Variants in NIN observed in about 807,000 individuals in gnomAD.
NIN encodes ninein.
NIN carries 137 observed loss-of-function variants against 257.6 expected under a neutral mutation model. That is an observed-to-expected ratio of 0.53 (90% confidence interval 0.46 to 0.61). The LOEUF (loss-of-function observed/expected upper bound fraction) is 0.61. Among genes scored for constraint, NIN ranks in the 20% least tolerant of loss-of-function variants. The probability of loss-of-function intolerance (pLI) is 0.00; values close to 1 mark genes in which losing one functional copy is unlikely to be tolerated. For synonymous variants in NIN, 918 were observed against 919.8 expected (o/e 1.00, Z 0.04); for missense variants, 2,439 against 2,501.2 (o/e 0.98, Z 0.53).
rs142742443 is a variant in NIN at position 50,830,035 on chromosome 14, A to G, written c.-22+429T>C. Among the ~76,000 whole-genome samples the G allele has an allele frequency of 4.6e-5, 7 of 152,304 alleles. No individual in the cohort carries two copies. The East Asian group carries it at 1.2e-3, about 25-fold the overall frequency. Reference sequence around the variant, plus strand: ...CGCGCATCGACCCCGCACACCTCCAAAAATCTCCACTTTCCGGGCTCCAAG... The same window carrying G: ...CGCGCATCGACCCCGCACACCTCCAGAAATCTCCACTTTCCGGGCTCCAAG... On this transcript the variant is annotated intron_variant, in intron 2 of 30. Transcript: ENST00000530997.
At position 50,811,241 on chromosome 14, in the gene NIN, TG is replaced by T. The variant is rs1026296014; in HGVS notation, c.184-4424del. Among the ~76,000 whole-genome samples the T allele has an allele frequency of 6.2e-4, 94 of 151,858 alleles. 4 individuals are homozygous for T. The highest frequency in any genetic ancestry group is 2.9e-5 in the Non-Finnish European group (2 of 68,006). On this transcript the variant is annotated intron_variant, in intron 3 of 30. Transcript: ENST00000530997. ...CTCCTGCCTCAGCCTCATGAGTAGC[TG>T]GGATTACAGGCGCCCACCACCACGC...
At chr14:50,805,410 G>A (rs1400176152) in intron 4 of NIN, among the ~76,000 whole-genome samples, 1 of 152,180 alleles carries the variant, frequency 6.6e-6, no homozygotes, top group East Asian at 1.9e-4. Flanking sequence ...CAGGCTCACT[G>A]GGGGCTTCCA....
intron 5 of NIN, among the ~76,000 whole-genome samples, chr14:50,790,524 C>T (rs1163464029): frequency 6.6e-6 from 1 of 152,148 alleles, no homozygotes; most frequent in East Asian, 1.9e-4. Flanking sequence ...TTCCTACAGG[C>T]ATTGCTCTGG....
At chr14:50,777,979 T>C (rs1418746564) in intron 6 of NIN, among the ~76,000 whole-genome samples, 1 of 152,178 alleles carries the variant, frequency 6.6e-6, no homozygotes, top group African/African-American at 2.4e-5. Flanking sequence ...CCATTACTGC[T>C]GTGGCGTTTC....
In NIN at chr14:50,806,737, C is replaced by G; in HGVS notation, c.265G>C (p.Asp89His). 6.4e-7 allele frequency: 1 copy of G among 1,554,786 alleles called. No homozygotes were observed. Among genetic ancestry groups the G allele is most frequent in the Non-Finnish European group, 8.9e-7 (1 of 1,129,190 alleles). Residue 89 changes from aspartate (D) to histidine (H), a missense_variant and splice_region_variant, in exon 4 of 31, where the codon GAC (aspartate) becomes CAC (histidine). Physicochemically the swap from Asp to His is moderately conservative, Grantham distance 81 (BLOSUM62 -1). Coordinates refer to ENST00000530997, the MANE Select transcript of NIN (RefSeq NM_020921.4). The stretch of plus-strand genomic sequence containing the variant: ...AGAGAAGAGAAGTGAGTGACCTTAC[C>G]TGGTTCTTGAAAGTGTTCTTCATTT... The part of the protein sequence containing the change: ...LSNEEHFQEP[D>H]CSLEAQPKYV...
At chr14:50,746,673 G>A (rs527773707) in intron 22 of NIN, among the ~76,000 whole-genome samples, 25 of 152,236 alleles carry the variant, frequency 1.6e-4, no homozygotes, top group Admixed American at 8.5e-4. Flanking sequence ...CAAATAAAAT[G>A]GAACAACTAA....
rs2042112559 is a variant in NIN, at chr14:50,758,003, G to A, written c.3027C>T (p.Ser1009=). ...ETADRERAEM[S]TEISRLQSKI... ...TACTCTGAAGTCTGGAGATTTCTGTGCTCATCTCGGCTCTTTCTCGATCTG... is the reference window on the plus strand; with the variant it reads ...TACTCTGAAGTCTGGAGATTTCTGTACTCATCTCGGCTCTTTCTCGATCTG... Residue 1009 remains serine (S), a synonymous_variant, in exon 18 of 31, where the codon AGC becomes AGT. Coordinates refer to ENST00000530997, the MANE Select transcript of NIN (RefSeq NM_020921.4). 6.2e-7 allele frequency: 1 copy of A among 1,614,088 alleles called. No homozygotes were observed. The highest frequency in any genetic ancestry group is 2.2e-5 in the East Asian group (1 of 44,884).
chr14:50,739,518 A>C, intron 25 of NIN, 31 bp from the exon 26 acceptor site: 1 of 1,603,378 alleles, frequency 6.2e-7, no homozygotes, highest in East Asian at 2.2e-5. Context: ...TAAGCCTTAA[A>C]AACAAGCTAT....
chr14:50,810,661 T>A (rs191876731), intron 3 of NIN, among the ~76,000 whole-genome samples: 40 of 152,350 alleles, frequency 2.6e-4, no homozygotes, highest in African/African-American at 7.9e-4. Flanking sequence ...CTATTTTTTT[T>A]AATTAATTAT....
At position 50,757,796 on chromosome 14, in the gene NIN, C is replaced by T. The variant is rs1342199631; in HGVS notation, c.3234G>A (p.Val1078=). ...CAGTAGCCATTTTCACATTTTCCTT[C>T]ACTGCCTGTTCATGAGCTCTCTGCA... ...LSLQRAHEQA[V]KENVKMATEI... Residue 1078 remains valine, a synonymous_variant, in exon 18 of 31, where the codon GTG becomes GTA. Transcript: ENST00000530997. 1.2e-6 allele frequency: 2 copies of T among 1,614,108 alleles called. No homozygotes were observed. Among genetic ancestry groups the T allele is most frequent in the African/African-American group, 2.7e-5 (2 of 74,926 alleles).
At chr14:50,790,790 T>C (rs977588273) in intron 5 of NIN, among the ~76,000 whole-genome samples, 4 of 152,208 alleles carry the variant, frequency 2.6e-5, no homozygotes, top group Non-Finnish European at 5.9e-5. Context: ...CCACAAGATT[T>C]TGCCCAGGCT....
At position 50,757,274 on chromosome 14, in the gene NIN, A is replaced by G. The variant is rs1396607015; in HGVS notation, c.3756T>C (p.Tyr1252=). The change falls in exon 18 of 31, where the codon TAT becomes TAC. Residue 1252 remains tyrosine (Y), a synonymous_variant. Transcript: ENST00000530997. ...PEASPKYKLL[Y]EDVSRENDCL... is the part of the protein sequence containing the mutation. Reference sequence around the variant, plus strand: ...AGTCATTTTCTCGGCTCACATCTTCATACAACAGCTTATATTTGGGAGAAG... The same window carrying G: ...AGTCATTTTCTCGGCTCACATCTTCGTACAACAGCTTATATTTGGGAGAAG... The G allele has an allele frequency of 1.9e-5, 31 of 1,614,040 alleles. No homozygotes were observed. Among genetic ancestry groups the G allele is most frequent in the Admixed American group, 6.7e-5 (4 of 59,992 alleles).
chr14:50,798,130 C>G (rs1417866901), intron 4 of NIN, among the ~76,000 whole-genome samples: 8 of 152,206 alleles, frequency 5.3e-5, no homozygotes, highest in Non-Finnish European at 1.0e-4. Context: ...CCATCACCAG[C>G]AAGCAGCCGC....
chr14:50,754,502 T>C lies in NIN; in HGVS notation c.4734+61A>G, dbSNP rs1258259005. 27 of 1,372,352 alleles carry C rather than the reference T, an allele frequency of 2.0e-5. No individual in the cohort carries two copies. In the East Asian group the frequency reaches 6.3e-4, roughly 32 times the overall value. 85.0% of individuals were successfully genotyped at this position (1,372,352 alleles called of 1,614,324 possible). A position where few individuals can be genotyped will look rare whatever the true frequency, so the allele number is the denominator to read the frequency against. On this transcript the variant is annotated intron_variant, in intron 20 of 30. Coordinates refer to ENST00000530997, the MANE Select transcript of NIN (RefSeq NM_020921.4). ...TACCGTGTGCTGTAAATTTATAAAT[T>C]TCAAAAAATGGGAAAATTTTGGAAT...
At chr14:50,822,472 T>A (rs2045270532) in intron 2 of NIN, among the ~76,000 whole-genome samples, 2 of 152,222 alleles carry the variant, frequency 1.3e-5, no homozygotes, top group African/African-American at 4.8e-5. Context: ...AAAAGCCACT[T>A]TGACAGCAAG....
intron 4 of NIN, among the ~76,000 whole-genome samples, chr14:50,799,861 GCTA>G (rs1374847829): frequency 6.6e-6 from 1 of 152,102 alleles, no homozygotes; most frequent in Non-Finnish European, 1.5e-5. Flanking sequence ...TGTAATCCCA[GCTA>G]CTCGGCAGGC....
chr14:50,728,993 T>G (rs2040552827), intron 29 of NIN, among the ~76,000 whole-genome samples: 2 of 152,230 alleles, frequency 1.3e-5, no homozygotes, highest in Non-Finnish European at 1.5e-5. Flanking sequence ...GAAAGCTCAG[T>G]GTACTTTGTT....
chr14:50,753,909 A>G (rs989185472), intron 20 of NIN, among the ~76,000 whole-genome samples: 4 of 152,098 alleles, frequency 2.6e-5, no homozygotes, highest in African/African-American at 9.7e-5. Context: ...TTGACCATTC[A>G]TATAGATTGC....
At chr14:50,747,353 A>T (rs916388726) in intron 22 of NIN, among the ~76,000 whole-genome samples, 10 of 152,224 alleles carry the variant, frequency 6.6e-5, no homozygotes, top group Non-Finnish European at 1.5e-4. Flanking sequence ...CTCCTTTTAG[A>T]CAAACATATG....
Sources: allele counts gnomAD v4.1 joint callset (sites outside exome capture counted in the v4.1 genomes callset), GRCh38; gene constraint gnomAD v4.1.1; transcripts MANE v1.5; gene names NCBI Gene and HGNC (gene_info 2026-07-23, HGNC 2026-07-21).